RBMS3: variants seen among roughly 807,000 people sequenced by gnomAD.
RBMS3 encodes the protein RNA-binding motif, single-stranded-interacting protein 3.
Under a neutral mutation model 66.8 loss-of-function variants are expected in RBMS3, and 27 were observed. The observed-to-expected ratio is 0.40, with a 90% confidence interval of 0.30 to 0.56. The LOEUF (loss-of-function observed/expected upper bound fraction) is 0.56. Ranked by LOEUF, RBMS3 falls within the 20% of genes least tolerant of loss-of-function variation. The pLI, the probability that RBMS3 is intolerant of heterozygous loss-of-function variation, is 0.40. For missense variants in RBMS3, 513 were observed against 549.5 expected (o/e 0.93, Z 0.66); for synonymous variants, 188 against 183.0 (o/e 1.03, Z -0.22).
At chr3:29,703,013 T>A (rs891895538) in intron 4 of RBMS3, among the ~76,000 whole-genome samples, 1 of 152,246 alleles carries the variant, frequency 6.6e-6, no homozygotes, top group Non-Finnish European at 1.5e-5. Context: ...TAGCACTAGA[T>A]GATATTATTA....
At chr3:29,407,574 T>C (rs2040079872) in intron 1 of RBMS3, among the ~76,000 whole-genome samples, 1 of 152,110 alleles carries the variant, frequency 6.6e-6, no homozygotes, top group Admixed American at 6.5e-5. Context: ...TTATGTAGAG[T>C]CAAATAATCT....
At chr3:29,355,384 A>G (rs917674760) in intron 1 of RBMS3, among the ~76,000 whole-genome samples, 3 of 152,102 alleles carry the variant, frequency 2.0e-5, no homozygotes, top group South Asian at 2.1e-4. Context: ...AAACAACACC[A>G]TATTTTTCTA....
chr3:29,732,056 C>T (rs943196389), intron 4 of RBMS3, among the ~76,000 whole-genome samples: 2 of 152,010 alleles, frequency 1.3e-5, no homozygotes, highest in African/African-American at 4.8e-5. Context: ...TGCCTTCCTT[C>T]CTCTCTCCTC....
chr3:29,398,725 T>C (rs955181355), intron 1 of RBMS3, among the ~76,000 whole-genome samples: 1 of 152,112 alleles, frequency 6.6e-6, no homozygotes, highest in Admixed American at 6.5e-5. Context: ...ACAAGATCCT[T>C]GTCATGTGCT....
chr3:29,756,785 CTT>C (rs2149374308), intron 5 of RBMS3, among the ~76,000 whole-genome samples: 1 of 152,222 alleles, frequency 6.6e-6, no homozygotes, highest in Non-Finnish European at 1.5e-5. Context: ...TCTCAAAGCA[CTT>C]TATGTTTATC....
In RBMS3 at chr3:29,907,931, A is replaced by G. The variant is rs189478701; in HGVS notation, c.939+8176A>G. ...AGTCAGACATGTTCTCAGGAGGCTA[A>G]AACTTTATAATCTATTTAAGAATTT... On this transcript the variant is annotated intron_variant, in intron 10 of 14. Coordinates refer to ENST00000383767, the MANE Select transcript of RBMS3 (RefSeq NM_001003793.3). 2.0e-5 allele frequency among the ~76,000 whole-genome samples: 3 copies of G among 151,922 alleles called. No homozygotes were observed. The East Asian group carries it at 5.8e-4, about 30-fold the overall frequency.
intron 6 of RBMS3, among the ~76,000 whole-genome samples, chr3:29,830,446 C>T (rs1279492047): frequency 6.6e-6 from 1 of 152,076 alleles, no homozygotes; most frequent in Non-Finnish European, 1.5e-5. Flanking sequence ...AGTGAAGTTG[C>T]AGGGCAGGCT....
At chr3:29,868,522 T>A (rs1443020862) in intron 6 of RBMS3, among the ~76,000 whole-genome samples, 1 of 152,212 alleles carries the variant, frequency 6.6e-6, no homozygotes, top group Non-Finnish European at 1.5e-5. Context: ...GAAATATTTA[T>A]CCACATATAA....
intron 4 of RBMS3, among the ~76,000 whole-genome samples, chr3:29,672,251 C>T (rs961808788): frequency 2.6e-5 from 4 of 152,254 alleles, no homozygotes; most frequent in South Asian, 4.2e-4. Flanking sequence ...GATTTTATCA[C>T]CACCAGGCCT....
intron 6 of RBMS3, among the ~76,000 whole-genome samples, chr3:29,812,816 T>C (rs1375381168): frequency 2.0e-5 from 3 of 152,164 alleles, no homozygotes; most frequent in African/African-American, 7.2e-5. Flanking sequence ...TCCTACTTCA[T>C]GAATAAAGTT....
At chr3:29,739,669 A>G (rs964268547) in intron 4 of RBMS3, 51 bp from the exon 5 acceptor site, 8 of 1,451,954 alleles carry the variant, frequency 5.5e-6, no homozygotes, top group Non-Finnish European at 7.4e-6. Context: ...TATTTGTACA[A>G]TGTTTCTCAA....
chr3:29,631,875 G>A (rs2149177309), intron 4 of RBMS3, among the ~76,000 whole-genome samples: 1 of 151,842 alleles, frequency 6.6e-6, no homozygotes, highest in East Asian at 1.9e-4. Flanking sequence ...TGGATGGTAA[G>A]CAAGAAGCAA....
chr3:29,844,804 G>A (rs544170791), intron 6 of RBMS3, among the ~76,000 whole-genome samples: 2 of 152,350 alleles, frequency 1.3e-5, no homozygotes, highest in East Asian at 3.9e-4. Flanking sequence ...ATGAGGTATT[G>A]TATCTGCATT....
intron 2 of RBMS3, among the ~76,000 whole-genome samples, chr3:29,481,401 A>T (rs2043125177): frequency 6.6e-6 from 1 of 152,208 alleles, no homozygotes; most frequent in African/African-American, 2.4e-5. Context: ...ACTGTTCAAG[A>T]TCAACTATGC....
intron 1 of RBMS3, among the ~76,000 whole-genome samples, chr3:29,326,386 A>G (rs1575549258): frequency 1.3e-5 from 2 of 152,120 alleles, no homozygotes; most frequent in Non-Finnish European, 2.9e-5. Context: ...GAGCTTCTCC[A>G]CCTTCTATGT....
chr3:29,463,029 A>T (rs115241214), intron 2 of RBMS3, among the ~76,000 whole-genome samples: 2 of 152,216 alleles, frequency 1.3e-5, no homozygotes, highest in African/African-American at 4.8e-5. Flanking sequence ...GGAAAGGCAC[A>T]TGAACTACTA....
intron 4 of RBMS3, among the ~76,000 whole-genome samples, chr3:29,663,779 A>G (rs987992714): frequency 2.0e-5 from 3 of 152,202 alleles, no homozygotes; most frequent in South Asian, 4.1e-4. Context: ...TATTTCAGAT[A>G]CAGAGAATAT....
intron 1 of RBMS3, among the ~76,000 whole-genome samples, chr3:29,335,805 A>T (rs1455522060): frequency 6.6e-6 from 1 of 152,050 alleles, no homozygotes; most frequent in African/African-American, 2.4e-5. Flanking sequence ...ATTTGTGAAG[A>T]TATCTTTTTC....
At chr3:29,307,889 A>G (rs2034113978) in intron 1 of RBMS3, among the ~76,000 whole-genome samples, 1 of 151,846 alleles carries the variant, frequency 6.6e-6, no homozygotes, top group Non-Finnish European at 1.5e-5. Flanking sequence ...ATTTAATAGT[A>G]TATATTAAAT....
Sources: allele counts gnomAD v4.1 joint callset (sites outside exome capture counted in the v4.1 genomes callset), GRCh38; gene constraint gnomAD v4.1.1; transcripts MANE v1.5; gene names NCBI Gene and HGNC (gene_info 2026-07-23, HGNC 2026-07-21).